GABPA: variants seen among roughly 807,000 people sequenced by gnomAD.
GABPA encodes the protein GA binding protein transcription factor subunit alpha.
GABPA carries 4 observed loss-of-function variants against 59.4 expected under a neutral mutation model. The ratio of observed to expected loss-of-function variants is 0.07; its 90% CI spans 0.03 to 0.15. The LOEUF (loss-of-function observed/expected upper bound fraction) is 0.15. Among genes scored for constraint, GABPA ranks in the 10% least tolerant of loss-of-function variants. GABPA has a pLI of 1.00. For synonymous variants in GABPA, 164 were observed against 183.1 expected (o/e 0.90, Z 0.84); for missense variants, 251 against 543.8 (o/e 0.46, Z 5.36).
At chr21:25,762,426 A>G in intron 7 of GABPA, 61 bp downstream of exon 7, 1 of 1,211,656 alleles carries the variant, frequency 8.3e-7, no homozygotes, top group Non-Finnish European at 1.2e-6. Context: ...TGATACCGCA[A>G]GGTAATAAAA....
intron 1 of GABPA, among the ~76,000 whole-genome samples, chr21:25,740,216 A>G (rs2035184722): frequency 6.6e-6 from 1 of 152,258 alleles, no homozygotes; most frequent in Admixed American, 6.5e-5. Flanking sequence ...GCTCAAAATA[A>G]GATTGCTCTA....
chr21:25,744,484 TATTTA>T (rs1444525227), intron 2 of GABPA, among the ~76,000 whole-genome samples: 1 of 152,218 alleles, frequency 6.6e-6, no homozygotes, highest in East Asian at 1.9e-4. Flanking sequence ...ATTTAAATCA[TATTTA>T]AATTAAACAT....
chr21:25,762,479 T>C (rs1213287232), intron 7 of GABPA, 114 bp downstream of exon 7: 2 of 661,684 alleles, frequency 3.0e-6, no homozygotes, highest in East Asian at 3.0e-5. Context: ...ACACAAAATA[T>C]CTTTTGTTCT....
chr21:25,743,006 G>T (rs1345532501), intron 2 of GABPA, among the ~76,000 whole-genome samples: 1 of 152,072 alleles, frequency 6.6e-6, no homozygotes, highest in Non-Finnish European at 1.5e-5. Context: ...ACTTACCTGG[G>T]TGGATCTGTC....
In GABPA at chr21:25,741,638, A is replaced by T; in HGVS notation, c.40A>T (p.Ile14Phe). The T allele has an allele frequency of 6.2e-7, 1 of 1,613,086 alleles. No homozygotes were observed. The highest frequency in any genetic ancestry group is 8.5e-7 in the Non-Finnish European group (1 of 1,179,464). The part of the protein sequence containing the change: ...REAEELIEIE[I>F]DGTEKAECTE... ...AGCAGAGGAGCTGATAGAAATTGAG[A>T]TTGATGGAACAGAGAAAGCAGAGTG... Residue 14 changes from isoleucine (I) to phenylalanine (F), a missense_variant, in exon 2 of 10, where the codon ATT (isoleucine) becomes TTT (phenylalanine). Ile to Phe is a conservative substitution (Grantham distance 21). Coordinates refer to ENST00000400075, the MANE Select transcript of GABPA (RefSeq NM_002040.4).
intron 1 of GABPA, 42 bp from the exon 2 acceptor site, chr21:25,741,531 A>G: frequency 1.8e-6 from 2 of 1,087,752 alleles, no homozygotes; most frequent in Non-Finnish European, 2.7e-6. Flanking sequence ...CATTTCGTTT[A>G]TGTGGATAGT....
chr21:25,751,328 A>G (rs919708425), intron 4 of GABPA, among the ~76,000 whole-genome samples: 4 of 151,218 alleles, frequency 2.6e-5, no homozygotes, highest in African/African-American at 9.7e-5. Context: ...TTTTGATTTA[A>G]TTCTGGATAG....
At chr21:25,752,845 A>T (rs1444000365) in intron 5 of GABPA, among the ~76,000 whole-genome samples, 1 of 152,162 alleles carries the variant, frequency 6.6e-6, no homozygotes, top group Non-Finnish European at 1.5e-5. Context: ...GTGAAGGGAA[A>T]ACAGGAGCAT....
At position 25,735,046 on chromosome 21, in the gene GABPA, G is replaced by A. The variant is rs973670512; in HGVS notation, c.-559G>A. The A allele has an allele frequency of 2.4e-5, 33 of 1,355,086 alleles. No individual in the cohort carries two copies. The highest frequency in any genetic ancestry group is 4.3e-5 in the African/African-American group (3 of 69,126). The allele number at this position is 1,355,086 out of a possible 1,614,324, so 83.9% of individuals were successfully genotyped here. Reference sequence around the variant, plus strand: ...CCGGACGGGTCTAGGTGAGACAGAAGCCAAACAGGAGGAGGAAGTGGAGGG... The same window carrying A: ...CCGGACGGGTCTAGGTGAGACAGAAACCAAACAGGAGGAGGAAGTGGAGGG... On this transcript the variant is annotated 5_prime_UTR_variant, in exon 1 of 10. Coordinates refer to ENST00000400075, the MANE Select transcript of GABPA (RefSeq NM_002040.4).
At chr21:25,754,420 G>C (rs543998708) in intron 5 of GABPA, among the ~76,000 whole-genome samples, 2 of 152,144 alleles carry the variant, frequency 1.3e-5, no homozygotes, top group Admixed American at 6.5e-5. Flanking sequence ...TTGATCTGCT[G>C]CATCTTTTTT....
chr21:25,757,310 T>G (rs913604942), intron 5 of GABPA, among the ~76,000 whole-genome samples: 1 of 152,144 alleles, frequency 6.6e-6, no homozygotes, highest in Admixed American at 6.6e-5. Flanking sequence ...ATTTTTTTAT[T>G]TATGAATTCA....
chr21:25,768,162 C>G (rs755849495), intron 9 of GABPA, among the ~76,000 whole-genome samples: 8 of 151,962 alleles, frequency 5.3e-5, no homozygotes, highest in Non-Finnish European at 1.0e-4. Context: ...ATTTGCATCT[C>G]TATAGAATGC....
chr21:25,745,657 G>A (rs2035343039), intron 3 of GABPA, among the ~76,000 whole-genome samples: 1 of 152,164 alleles, frequency 6.6e-6, no homozygotes, highest in South Asian at 2.1e-4. Flanking sequence ...ACAGTAGGAA[G>A]CCCATTGACT....
intron 9 of GABPA, among the ~76,000 whole-genome samples, chr21:25,765,875 G>T (rs1568954168): frequency 6.6e-6 from 1 of 151,910 alleles, no homozygotes; most frequent in Non-Finnish European, 1.5e-5. Context: ...AAGTTTCAGT[G>T]CAGCAACTTA....
At chr21:25,765,467 T>TCA (rs912209822) in intron 9 of GABPA, among the ~76,000 whole-genome samples, 9 of 151,718 alleles carry the variant, frequency 5.9e-5, no homozygotes, top group African/African-American at 1.2e-4. Flanking sequence ...ATAATTTAGC[T>TCA]CACACACACA....
chr21:25,764,183 A>G, intron 7 of GABPA, 27 bp from the exon 8 acceptor site: 1 of 1,533,134 alleles, frequency 6.5e-7, no homozygotes, highest in Non-Finnish European at 8.7e-7. Context: ...TGGAAGAAAA[A>G]AAATTTCTCC....
intron 4 of GABPA, among the ~76,000 whole-genome samples, chr21:25,751,460 T>C (rs892574746): frequency 2.6e-5 from 4 of 151,626 alleles, no homozygotes; most frequent in African/African-American, 7.2e-5. Context: ...TTTTTCTTCA[T>C]CTCATTTAAA....
intron 9 of GABPA, among the ~76,000 whole-genome samples, chr21:25,765,529 T>C (rs745930463): frequency 1.9e-4 from 29 of 152,060 alleles, no homozygotes; most frequent in Non-Finnish European, 2.7e-4. Flanking sequence ...AATATAATTA[T>C]ATGGAAATTT....
chr21:25,736,600 A>G (rs2123478092), intron 1 of GABPA, among the ~76,000 whole-genome samples: 1 of 152,356 alleles, frequency 6.6e-6, no homozygotes, highest in South Asian at 2.1e-4. Context: ...TAATGAAGTA[A>G]TTAAATCATG....
Sources: gnomAD v4.1 joint callset for allele counts (sites outside exome capture counted in the v4.1 genomes callset) on GRCh38, gnomAD v4.1.1 for gene constraint, MANE v1.5 for transcripts, NCBI Gene and HGNC (gene_info 2026-07-23, HGNC 2026-07-21) for gene names.